Variants in NAV2 observed in about 807,000 individuals in gnomAD.
The protein encoded by NAV2 is neuron navigator 2, also known as helicase, APC down-regulated 1.
Under a neutral mutation model 223.2 loss-of-function variants are expected in NAV2, and 54 were observed. That is an observed-to-expected ratio of 0.24 (90% confidence interval 0.19 to 0.30). NAV2 has a LOEUF of 0.30. Among genes scored for constraint, NAV2 ranks in the 10% least tolerant of loss-of-function variants. The pLI is 1.00. For synonymous variants in NAV2, 1,279 were observed against 1,239.3 expected, an observed-to-expected ratio of 1.03 and a Z score of -0.67; for missense variants, 2,806 against 3,147.5, an observed-to-expected ratio of 0.89 and a Z score of 2.60.
intron 1 of NAV2, among the ~76,000 whole-genome samples, chr11:19,681,691 A>G (rs1158975169): frequency 6.6e-6 from 1 of 152,156 alleles, no homozygotes; most frequent in African/African-American, 2.4e-5. Flanking sequence ...CAAGTCTGGG[A>G]TTGGAGTACA....
chr11:19,908,869 G>C (rs1388933614), intron 6 of NAV2, among the ~76,000 whole-genome samples: 1 of 152,202 alleles, frequency 6.6e-6, no homozygotes, highest in African/African-American at 2.4e-5. Flanking sequence ...TGGGGTGGGA[G>C]TAGAGGAGGG....
At chr11:19,778,975 A>T (rs553996997) in intron 1 of NAV2, among the ~76,000 whole-genome samples, 80 of 152,342 alleles carry the variant, frequency 5.3e-4, no homozygotes, top group South Asian at 2.9e-3. Flanking sequence ...ATGATTTGCC[A>T]GGCAGGGAAA....
rs558261408 is a variant in NAV2, at chr11:19,594,908, C to T, written c.76-237576C>T. Among the ~76,000 whole-genome samples, 5 of 152,112 alleles carry T rather than the reference C, an allele frequency of 3.3e-5. No individual in the cohort carries two copies. In the South Asian group the frequency reaches 8.3e-4, roughly 25 times the overall value. ...TGCAAAGATCCTCTCTCAAGATGAACGTGATTAGTAATAACTAACATCTAT... is the reference window on the plus strand; with the variant it reads ...TGCAAAGATCCTCTCTCAAGATGAATGTGATTAGTAATAACTAACATCTAT... On this transcript the variant is annotated intron_variant, in intron 1 of 37. Coordinates refer to the NAV2 transcript ENST00000360655.
chr11:19,477,656 G>A (rs2042159541), intron 1 of NAV2, among the ~76,000 whole-genome samples: 1 of 152,202 alleles, frequency 6.6e-6, no homozygotes, highest in Non-Finnish European at 1.5e-5. Context: ...CATACGGCAA[G>A]CAGTCCATGG....
chr11:19,855,625 G>A (rs2061373226), intron 3 of NAV2, among the ~76,000 whole-genome samples: 1 of 152,166 alleles, frequency 6.6e-6, no homozygotes, highest in South Asian at 2.1e-4. Flanking sequence ...GAAGAAAGAG[G>A]CATGCATTCC....
At chr11:19,411,713 TAGATAGCCAAGGGCTATCTAAATCCAAG>T (rs1412724839) in intron 1 of NAV2, among the ~76,000 whole-genome samples, 1 of 152,128 alleles carries the variant, frequency 6.6e-6, no homozygotes, top group African/African-American at 2.4e-5. Context: ...CATCTTCATT[TAGATAGCCAAGGGCTATCTAAATCCAAG>T]AGATGGAAGG....
At chr11:19,552,040 C>A (rs11025180) in intron 1 of NAV2, among the ~76,000 whole-genome samples, 31,632 of 151,906 alleles carry the variant, frequency 0.21, 3,854 homozygotes, top group East Asian at 0.47. Flanking sequence ...ACGGGGGAGG[C>A]AGTGAATTAT....
chr11:19,641,618 A>G (rs2047668069), intron 1 of NAV2, among the ~76,000 whole-genome samples: 2 of 151,184 alleles, frequency 1.3e-5, no homozygotes, highest in Admixed American at 1.3e-4. Context: ...GGCTATGCAG[A>G]CCCCCACAAA....
At chr11:19,909,549 C>T (rs947498483) in intron 6 of NAV2, among the ~76,000 whole-genome samples, 1 of 152,316 alleles carries the variant, frequency 6.6e-6, no homozygotes, top group East Asian at 1.9e-4. Flanking sequence ...CCTCAGTGAG[C>T]AAAGACCCTG....
At chr11:19,532,629 G>T (rs1453586050) in intron 1 of NAV2, among the ~76,000 whole-genome samples, 1 of 152,170 alleles carries the variant, frequency 6.6e-6, no homozygotes, top group African/African-American at 2.4e-5. Flanking sequence ...CAAAAAGGGA[G>T]CAGGCTACTC....
chr11:19,838,075 A>G (rs2060323053), intron 2 of NAV2, among the ~76,000 whole-genome samples: 3 of 152,168 alleles, frequency 2.0e-5, no homozygotes, highest in Admixed American at 6.5e-5. Flanking sequence ...AGAATGGATG[A>G]TGTATGGGGG....
chr11:19,693,625 T>G (rs1246831025), intron 1 of NAV2, among the ~76,000 whole-genome samples: 2 of 152,220 alleles, frequency 1.3e-5, no homozygotes, highest in Admixed American at 6.5e-5. Flanking sequence ...AAACACTGAT[T>G]GCTGTTTCCC....
intron 1 of NAV2, among the ~76,000 whole-genome samples, chr11:19,643,339 A>G (rs2113925): frequency 0.88 from 119,633 of 136,274 alleles, 52,993 homozygotes; most frequent in Middle Eastern, 0.96. Flanking sequence ...GACAGGCCCC[A>G]GTGTGTGATG....
intron 1 of NAV2, among the ~76,000 whole-genome samples, chr11:19,691,614 C>T (rs148621582): frequency 1.3e-5 from 2 of 152,142 alleles, no homozygotes; most frequent in Non-Finnish European, 2.9e-5. Flanking sequence ...GTGGCCCAGG[C>T]TGGAGTGCAG....
intron 1 of NAV2, among the ~76,000 whole-genome samples, chr11:19,384,370 G>T (rs1365767354): frequency 6.6e-6 from 1 of 152,212 alleles, no homozygotes; most frequent in Non-Finnish European, 1.5e-5. Context: ...GGCCTTGCCT[G>T]CATTAGCTGT....
chr11:19,606,254 A>C (rs1590662568), intron 1 of NAV2, among the ~76,000 whole-genome samples: 1 of 152,190 alleles, frequency 6.6e-6, no homozygotes, highest in African/African-American at 2.4e-5. Flanking sequence ...AGTGTATTGG[A>C]TATTGGATAC....
intron 11 of NAV2, among the ~76,000 whole-genome samples, chr11:19,999,038 G>T (rs2052262418): frequency 2.0e-5 from 3 of 152,198 alleles, no homozygotes; most frequent in Non-Finnish European, 4.4e-5. Flanking sequence ...ATAAATGACT[G>T]CCAGGCACTG....
intron 1 of NAV2, among the ~76,000 whole-genome samples, chr11:19,781,345 T>C (rs2056726765): frequency 6.6e-6 from 1 of 152,208 alleles, no homozygotes; most frequent in Non-Finnish European, 1.5e-5. Flanking sequence ...GGGGCCTCTC[T>C]GTTCACTGCA....
At chr11:19,558,709 CA>C (rs2044990203) in intron 1 of NAV2, among the ~76,000 whole-genome samples, 1 of 152,176 alleles carries the variant, frequency 6.6e-6, no homozygotes, top group South Asian at 2.1e-4. Context: ...TCACTTAACC[CA>C]AAACCTGGGG....
Sources: allele counts gnomAD v4.1 joint callset (sites outside exome capture counted in the v4.1 genomes callset), GRCh38; gene constraint gnomAD v4.1.1; transcripts MANE v1.5; gene names NCBI Gene and HGNC (gene_info 2026-07-23, HGNC 2026-07-21).